Variants in LHCGR observed in about 807,000 individuals in gnomAD.
LHCGR encodes the protein luteinizing hormone/choriogonadotropin receptor.
Under a neutral mutation model 60.7 loss-of-function variants are expected in LHCGR, and 55 were observed. The ratio of observed to expected loss-of-function variants is 0.91; its 90% CI spans 0.73 to 1.13. The LOEUF (loss-of-function observed/expected upper bound fraction) is 1.13. LHCGR is among the 50% of genes most tolerant of loss of function. The pLI, the probability that LHCGR is intolerant of heterozygous loss-of-function variation, is 0.00. For missense variants in LHCGR, 862 were observed against 836.0 expected (o/e 1.03, Z -0.38); for synonymous variants, 337 against 316.5 (o/e 1.06, Z -0.69).
chr2:48,726,358 A>G (rs1014242848), intron 3 of LHCGR, among the ~76,000 whole-genome samples: 11 of 152,192 alleles, frequency 7.2e-5, no homozygotes, highest in African/African-American at 2.2e-4. Context: ...TAAAATTTGT[A>G]TAATAATATT....
intron 6 of LHCGR, chr2:48,721,536 C>T (rs1379512061): frequency 3.0e-6 from 1 of 336,758 alleles, no homozygotes; most frequent in South Asian, 2.5e-5. Flanking sequence ...TACATGGTCA[C>T]AGCTTTGTAA....
intron 7 of LHCGR, among the ~76,000 whole-genome samples, chr2:48,712,321 C>T (rs1028865849): frequency 6.6e-6 from 1 of 152,110 alleles, no homozygotes; most frequent in Non-Finnish European, 1.5e-5. Context: ...ACTTAATCAT[C>T]TTCATTCCCC....
Position 48,714,184 on chromosome 2 carries a change from T to TCAC in LHCGR, c.537-133_537-131dup, listed in dbSNP as rs556746429. ...ATTCATAATATCTAGTTCTCCATCA[T>TCAC]CACCACCACCATCAATTTATTAAGT... On this transcript the variant is annotated intron_variant, in intron 6 of 10. Transcript: ENST00000294954. 93 of 705,024 alleles carry TCAC rather than the reference T, an allele frequency of 1.3e-4. No homozygotes were observed. In the African/African-American group the frequency reaches 1.5e-3, roughly 11 times the overall value. The allele number at this position is 705,024 out of a possible 1,614,324, so 43.7% of individuals were successfully genotyped here.
intron 2 of LHCGR, 33 bp downstream of exon 2, chr2:48,731,194 C>A: frequency 7.1e-7 from 1 of 1,401,282 alleles, no homozygotes; most frequent in South Asian, 1.2e-5. Context: ...ATTCCAATTA[C>A]GAATGTCTTT....
intron 1 of LHCGR, among the ~76,000 whole-genome samples, chr2:48,731,948 C>T (rs1341547604): frequency 6.6e-6 from 1 of 152,224 alleles, no homozygotes; most frequent in Admixed American, 6.5e-5. Flanking sequence ...GGTTAACTCA[C>T]ATGGGCATCT....
At chr2:48,737,716 A>G (rs1488081394) in intron 1 of LHCGR, among the ~76,000 whole-genome samples, 2 of 152,238 alleles carry the variant, frequency 1.3e-5, no homozygotes, top group East Asian at 3.8e-4. Context: ...TGAACATCCA[A>G]TATGTTACGC....
intron 1 of LHCGR, among the ~76,000 whole-genome samples, chr2:48,744,917 A>C (rs913614866): frequency 5.3e-5 from 8 of 152,138 alleles, no homozygotes; most frequent in African/African-American, 1.9e-4. Flanking sequence ...CAACCTACAA[A>C]ATGGGAGAAA....
chr2:48,691,640 GT>G (rs1236817652), intron 10 of LHCGR, among the ~76,000 whole-genome samples: 2 of 152,152 alleles, frequency 1.3e-5, no homozygotes, highest in Non-Finnish European at 2.9e-5. Flanking sequence ...GAGGTCAGGA[GT>G]TTGAGACCAG....
chr2:48,698,412 T>C (rs1572825091), intron 9 of LHCGR, among the ~76,000 whole-genome samples: 2 of 152,188 alleles, frequency 1.3e-5, no homozygotes, highest in African/African-American at 4.8e-5. Context: ...AGCTGCAGGG[T>C]GAATCAACTA....
Position 48,710,912 on chromosome 2 carries a change from C to G in LHCGR, c.606-1890G>C, listed in dbSNP as rs535268966. 4.6e-5 allele frequency among the ~76,000 whole-genome samples: 7 copies of G among 152,344 alleles called. No homozygotes were observed. The South Asian group carries it at 1.5e-3, about 32-fold the overall frequency. ...CTGCTCCTCCCCTGCTACTTAAACT[C>G]TTTAATGGGTGACCTTGCCCTTAGA... is the stretch of plus-strand genomic sequence containing the variant. On this transcript the variant is annotated intron_variant, in intron 7 of 10. Coordinates refer to ENST00000294954, the MANE Select transcript of LHCGR (RefSeq NM_000233.4).
chr2:48,716,301 ATTGT>A (rs992121962), intron 6 of LHCGR, among the ~76,000 whole-genome samples: 2 of 152,028 alleles, frequency 1.3e-5, no homozygotes, highest in Non-Finnish European at 2.9e-5. Context: ...AGCCTTCAAA[ATTGT>A]TTGGTTATGA....
At chr2:48,719,284 T>C (rs1668399349) in intron 6 of LHCGR, among the ~76,000 whole-genome samples, 1 of 152,172 alleles carries the variant, frequency 6.6e-6, no homozygotes, top group African/African-American at 2.4e-5. Flanking sequence ...TGACTAAGGC[T>C]GCTTGGCTGG....
chr2:48,723,905 T>A (rs1668610669), intron 4 of LHCGR, among the ~76,000 whole-genome samples: 1 of 152,222 alleles, frequency 6.6e-6, no homozygotes, highest in South Asian at 2.1e-4. Context: ...TGGGAGAAGA[T>A]GCTTTAATGA....
At chr2:48,737,651 T>G (rs1206895636) in intron 1 of LHCGR, among the ~76,000 whole-genome samples, 1 of 152,246 alleles carries the variant, frequency 6.6e-6, no homozygotes, top group African/African-American at 2.4e-5. Context: ...TCTTCAGCAT[T>G]TACCTAGAGG....
intron 8 of LHCGR, among the ~76,000 whole-genome samples, chr2:48,702,340 T>C (rs1156589272): frequency 6.6e-6 from 1 of 152,070 alleles, no homozygotes; most frequent in Non-Finnish European, 1.5e-5. Context: ...GGTATACATA[T>C]GCCACGTTGG....
chr2:48,740,811 T>C (rs896354160), intron 1 of LHCGR, among the ~76,000 whole-genome samples: 5 of 152,292 alleles, frequency 3.3e-5, no homozygotes, highest in South Asian at 4.1e-4. Flanking sequence ...GAACGCAGTT[T>C]CTCACCAGCA....
Position 48,688,228 on chromosome 2 carries a change from G to A in LHCGR, c.1569C>T (p.Leu523=). 1 of 1,614,184 alleles carries A rather than the reference G, an allele frequency of 6.2e-7. No individual in the cohort carries two copies. Among genetic ancestry groups the A allele is most frequent in the Non-Finnish European group, 8.5e-7 (1 of 1,180,026 alleles). The change falls in exon 11 of 11, where the codon CTC becomes CTT. Residue 523 remains leucine (L), a synonymous_variant. Coordinates refer to ENST00000294954, the MANE Select transcript of LHCGR (RefSeq NM_000233.4). The surrounding 1 kb of genome is among the most constrained non-coding windows in gnomAD (Gnocchi z 5.2). ...ICFPMDVETT[L]SQVYILTILI... ...GGATGGTTAATATATAGACTTGTGAGAGAGTGGTTTCCACATCCATGGGGA... is the reference window on the plus strand; with the variant it reads ...GGATGGTTAATATATAGACTTGTGAAAGAGTGGTTTCCACATCCATGGGGA...
intron 9 of LHCGR, among the ~76,000 whole-genome samples, chr2:48,696,385 G>A (rs1667114591): frequency 1.3e-5 from 2 of 152,182 alleles, no homozygotes; most frequent in Non-Finnish European, 1.5e-5. Flanking sequence ...TTTCCCTGAG[G>A]GCAGTAGGGT....
At chr2:48,701,198 G>T (rs1206281793) in intron 8 of LHCGR, among the ~76,000 whole-genome samples, 1 of 152,090 alleles carries the variant, frequency 6.6e-6, no homozygotes, top group East Asian at 1.9e-4. Flanking sequence ...ATTAGACAGA[G>T]CCATGAGTTG....
Sources: gnomAD v4.1 joint callset for allele counts (sites outside exome capture counted in the v4.1 genomes callset) on GRCh38, gnomAD v4.1.1 for gene constraint, Gnocchi (gnomAD v3.1) non-coding constraint, MANE v1.5 for transcripts, NCBI Gene and HGNC (gene_info 2026-07-23, HGNC 2026-07-21) for gene names.